RIN2: variants seen among roughly 807,000 people sequenced by gnomAD.
The protein encoded by RIN2 is Ras and Rab interactor 2, also known as RAB5 interacting protein 2.
Under a neutral mutation model 78.0 loss-of-function variants are expected in RIN2, and 36 were observed. That is an observed-to-expected ratio of 0.46 (90% CI 0.35 to 0.61). RIN2 has a LOEUF of 0.61. Ranked by LOEUF, RIN2 falls within the 20% of genes least tolerant of loss-of-function variation. The probability of loss-of-function intolerance (pLI) is 0.00; values close to 1 mark genes in which losing one functional copy is unlikely to be tolerated. For synonymous variants in RIN2, 466 were observed against 466.8 expected, an observed-to-expected ratio of 1.00 and a Z score of 0.02; for missense variants, 1,087 against 1,159.7, an observed-to-expected ratio of 0.94 and a Z score of 0.91.
chr20:19,888,415 T>C (rs537485160), intron 2 of RIN2, among the ~76,000 whole-genome samples: 5 of 152,224 alleles, frequency 3.3e-5, no homozygotes, highest in Non-Finnish European at 7.3e-5. Flanking sequence ...CGTCCCTAAA[T>C]ATCGCCCTCA....
chr20:19,760,777 C>G (rs1485371572), intron 1 of RIN2, among the ~76,000 whole-genome samples: 1 of 152,298 alleles, frequency 6.6e-6, no homozygotes, highest in East Asian at 1.9e-4. Context: ...ATCCAACCTA[C>G]CTAATGAACC....
intron 2 of RIN2, among the ~76,000 whole-genome samples, chr20:19,860,968 G>A (rs1020391572): frequency 1.3e-5 from 2 of 152,082 alleles, no homozygotes; most frequent in Non-Finnish European, 2.9e-5. Context: ...TTAAAGCCAG[G>A]GCAAAGAACA....
At chr20:19,993,145 G>A (rs2042846873) in intron 11 of RIN2, among the ~76,000 whole-genome samples, 1 of 152,160 alleles carries the variant, frequency 6.6e-6, no homozygotes, top group Admixed American at 6.5e-5. Flanking sequence ...GAAATAACTG[G>A]GACTCTATGT....
chr20:19,848,811 A>G (rs951670706), intron 2 of RIN2, among the ~76,000 whole-genome samples: 3 of 152,216 alleles, frequency 2.0e-5, no homozygotes, highest in Non-Finnish European at 2.9e-5. Context: ...AGCCTGACAT[A>G]GAACACTTTT....
At chr20:19,982,579 C>A (rs1316739753) in intron 9 of RIN2, among the ~76,000 whole-genome samples, 2 of 152,220 alleles carry the variant, frequency 1.3e-5, no homozygotes, top group Admixed American at 6.5e-5. Context: ...CCTGACTCTG[C>A]TGTTCCCGAC....
At chr20:19,837,209 CACAG>C (rs1222031909) in intron 2 of RIN2, among the ~76,000 whole-genome samples, 1 of 141,538 alleles carries the variant, frequency 7.1e-6, no homozygotes, top group Non-Finnish European at 1.6e-5. Context: ...CACACACACA[CACAG>C]AGTGAATTAC....
At chr20:19,831,656 T>A (rs983474162) in intron 2 of RIN2, among the ~76,000 whole-genome samples, 1 of 152,228 alleles carries the variant, frequency 6.6e-6, no homozygotes, top group Non-Finnish European at 1.5e-5. Flanking sequence ...CAGTGTAATT[T>A]CCCTGATACA....
At chr20:19,995,331 C>G (rs77892617) in intron 11 of RIN2, among the ~76,000 whole-genome samples, 247 of 149,470 alleles carry the variant, frequency 1.7e-3, no homozygotes, top group African/African-American at 5.7e-3. Context: ...CTATTTCTTA[C>G]AAACCTACTT....
Position 19,786,613 on chromosome 20 carries a change from A to G in RIN2, c.-162-13009A>G, listed in dbSNP as rs78619468. Among the ~76,000 whole-genome samples the G allele has an allele frequency of 1.9e-4, 29 of 152,274 alleles. No homozygotes were observed. The East Asian group carries it at 5.6e-3, about 29-fold the overall frequency. ...CACTCAGAAACCATGGCAATAATAA[A>G]ATGATTATTGTTTTAAGCCACTGAG... On this transcript the variant is annotated intron_variant, in intron 1 of 12. Transcript: ENST00000255006.
chr20:19,869,081 CAAAAA>C (rs11413677), intron 2 of RIN2, among the ~76,000 whole-genome samples: 16 of 76,314 alleles, frequency 2.1e-4, no homozygotes, highest in South Asian at 1.6e-3. Context: ...GACTCCGTCT[CAAAAA>C]AAAAAAAAAA....
At chr20:19,920,499 A>T (rs562297279) in intron 3 of RIN2, among the ~76,000 whole-genome samples, 2 of 152,318 alleles carry the variant, frequency 1.3e-5, no homozygotes, top group South Asian at 4.1e-4. Flanking sequence ...AGGCCTCAGC[A>T]GGAGGACTGT....
intron 3 of RIN2, among the ~76,000 whole-genome samples, chr20:19,916,486 G>A (rs545207826): frequency 9.9e-5 from 15 of 152,270 alleles, no homozygotes; most frequent in African/African-American, 3.6e-4. Context: ...GGGCGTGGTG[G>A]CACACACCTC....
intron 2 of RIN2, among the ~76,000 whole-genome samples, chr20:19,807,910 A>G (rs2035458464): frequency 6.6e-6 from 1 of 152,194 alleles, no homozygotes; most frequent in Non-Finnish European, 1.5e-5. Context: ...ACTTTTTCCA[A>G]CTTAGCATGG....
intron 2 of RIN2, among the ~76,000 whole-genome samples, chr20:19,823,181 C>T (rs2035980040): frequency 6.6e-6 from 1 of 152,134 alleles, no homozygotes; most frequent in South Asian, 2.1e-4. Flanking sequence ...GTCGTAGAGC[C>T]ATAGCAAGGA....
intron 2 of RIN2, among the ~76,000 whole-genome samples, chr20:19,869,986 G>A (rs1183634253): frequency 1.3e-5 from 2 of 151,976 alleles, no homozygotes; most frequent in African/African-American, 2.4e-5. Context: ...CAGAACCGTG[G>A]CAAGAATAGT....
At chr20:19,983,337 A>G (rs2042519296) in intron 9 of RIN2, among the ~76,000 whole-genome samples, 1 of 152,202 alleles carries the variant, frequency 6.6e-6, no homozygotes, top group Admixed American at 6.5e-5. Context: ...TTTCTTCTCC[A>G]CCATCTGGGA....
chr20:19,864,676 A>T (rs2037445452), intron 2 of RIN2, among the ~76,000 whole-genome samples: 1 of 152,214 alleles, frequency 6.6e-6, no homozygotes, highest in Non-Finnish European at 1.5e-5. Context: ...GGGTAAAGCT[A>T]GTTCAAAGCA....
intron 3 of RIN2, among the ~76,000 whole-genome samples, chr20:19,900,023 G>A (rs986546167): frequency 6.6e-6 from 1 of 152,228 alleles, no homozygotes; most frequent in Non-Finnish European, 1.5e-5. Flanking sequence ...AGGTGGGATT[G>A]GTGGAGACTG....
At chr20:19,830,572 T>G (rs1158380641) in intron 2 of RIN2, among the ~76,000 whole-genome samples, 3 of 152,240 alleles carry the variant, frequency 2.0e-5, no homozygotes, top group African/African-American at 7.2e-5. Context: ...TCATTCAGTT[T>G]CCAGGACTCT....
Sources: gnomAD v4.1 joint callset for allele counts (sites outside exome capture counted in the v4.1 genomes callset) on GRCh38, gnomAD v4.1.1 for gene constraint, MANE v1.5 for transcripts, NCBI Gene and HGNC (gene_info 2026-07-23, HGNC 2026-07-21) for gene names.